The following SH3RF3 variants were observed in gnomAD, a reference collection of about 807,000 sequenced individuals.
The protein encoded by SH3RF3 is SH3 domain containing ring finger 3, also known as E3 ubiquitin-protein ligase SH3RF3.
In SH3RF3, 29 loss-of-function variants were observed where a neutral mutation model predicts 66.3. The ratio of observed to expected loss-of-function variants is 0.44; its 90% CI spans 0.33 to 0.60. The LOEUF (loss-of-function observed/expected upper bound fraction) is 0.60. Among genes scored for constraint, SH3RF3 ranks in the 20% least tolerant of loss-of-function variants. The pLI is 0.04. For synonymous variants in SH3RF3, 583 were observed against 532.0 expected, an observed-to-expected ratio of 1.10 and a Z score of -1.32; for missense variants, 1,194 against 1,190.9, an observed-to-expected ratio of 1.00 and a Z score of -0.04.
At chr2:109,432,368 C>G (rs2104569208) in intron 5 of SH3RF3, 133 bp from the exon 6 acceptor site, 2 of 1,149,748 alleles carry the variant, frequency 1.7e-6, no homozygotes, top group South Asian at 3.0e-5. Flanking sequence ...CTGTAAACTG[C>G]AGAGCCCCCA....
chr2:109,499,852 C>G (rs72949172), intron 9 of SH3RF3, among the ~76,000 whole-genome samples: 2,564 of 152,278 alleles, frequency 0.017, 85 homozygotes, highest in African/African-American at 0.057. Flanking sequence ...GGCAACATAA[C>G]TGACATTTGC....
rs1269767573 is a variant in SH3RF3 at position 109,453,475 on chromosome 2, C to T, written c.2148+3986C>T. On this transcript the variant is annotated intron_variant, in intron 8 of 9. Transcript: ENST00000309415. ...TTGAAACTGTGTGAGCACATCAGCA[C>T]CAGGTGATACGAACCCTCAGGGTAC... 3.9e-5 allele frequency among the ~76,000 whole-genome samples: 6 copies of T among 152,226 alleles called. No individual in the cohort carries two copies. In the East Asian group the frequency reaches 7.7e-4, roughly 20 times the overall value.
chr2:109,386,256 C>A (rs867612735), intron 3 of SH3RF3, among the ~76,000 whole-genome samples: 1 of 152,340 alleles, frequency 6.6e-6, no homozygotes, highest in African/African-American at 2.4e-5. Flanking sequence ...GATGGCCTAG[C>A]CCCTGTGGAT....
At chr2:109,155,125 A>G (rs1395206304) in intron 1 of SH3RF3, among the ~76,000 whole-genome samples, 1 of 152,212 alleles carries the variant, frequency 6.6e-6, no homozygotes, top group African/African-American at 2.4e-5. Context: ...GCATTTTGCA[A>G]ACTACAACTT....
intron 1 of SH3RF3, among the ~76,000 whole-genome samples, chr2:109,152,395 G>A (rs1001659254): frequency 6.6e-6 from 1 of 152,188 alleles, no homozygotes; most frequent in Non-Finnish European, 1.5e-5. Flanking sequence ...GACATGTACA[G>A]CAAATCAAAT....
intron 1 of SH3RF3, among the ~76,000 whole-genome samples, chr2:109,132,374 G>A (rs1676719785): frequency 6.6e-6 from 1 of 152,128 alleles, no homozygotes; most frequent in African/African-American, 2.4e-5. Context: ...GGTTTTACTG[G>A]CAGGACACAA....
intron 1 of SH3RF3, among the ~76,000 whole-genome samples, chr2:109,177,316 T>A (rs1677943601): frequency 6.6e-6 from 1 of 152,172 alleles, no homozygotes; most frequent in Non-Finnish European, 1.5e-5. Flanking sequence ...GATTTTCTTT[T>A]ATATCTACTA....
At chr2:109,352,226 A>G (rs2105583237) in intron 2 of SH3RF3, among the ~76,000 whole-genome samples, 1 of 152,348 alleles carries the variant, frequency 6.6e-6, no homozygotes. Flanking sequence ...TTCCTGTCTC[A>G]GGAAAAGTTG....
In SH3RF3 at chr2:109,437,022, C is replaced by A. The variant is rs1021090351; in HGVS notation, c.1704C>A (p.Pro568=). 6.2e-7 allele frequency: 1 copy of A among 1,613,884 alleles called. No individual in the cohort carries two copies. The highest frequency in any genetic ancestry group is 1.1e-5 in the South Asian group (1 of 91,086). ...SLSSLATATR[P]ALPITTPQAH... is the part of the protein sequence containing the mutation. ...GCAGCCTGGCCACTGCCACCAGGCC[C>A]GCCCTGCCCATCACCACTCCCCAGG... The change falls in exon 7 of 10, where the codon CCC becomes CCA. Residue 568 remains proline (P), a synonymous_variant. Transcript: ENST00000309415.
chr2:109,234,044 C>G (rs969093529), intron 1 of SH3RF3, among the ~76,000 whole-genome samples: 1 of 152,160 alleles, frequency 6.6e-6, no homozygotes, highest in East Asian at 1.9e-4. Flanking sequence ...TAATATGTTT[C>G]CATTTCTCTT....
chr2:109,452,391 A>G (rs1677901469), intron 8 of SH3RF3, among the ~76,000 whole-genome samples: 1 of 152,184 alleles, frequency 6.6e-6, no homozygotes, highest in South Asian at 2.1e-4. Flanking sequence ...ATTTGGCAGT[A>G]TTCTCCAGTC....
At chr2:109,245,022 G>A (rs887936917) in intron 1 of SH3RF3, among the ~76,000 whole-genome samples, 8 of 152,272 alleles carry the variant, frequency 5.3e-5, no homozygotes, top group African/African-American at 7.2e-5. Context: ...GTTGGATGGC[G>A]TCCCCTTTAA....
chr2:109,146,759 C>G (rs565469225), intron 1 of SH3RF3, among the ~76,000 whole-genome samples: 1 of 151,310 alleles, frequency 6.6e-6, no homozygotes, highest in African/African-American at 2.4e-5. Flanking sequence ...ATCCTTCCTT[C>G]GAAAACTTGC....
chr2:109,315,067 CGTTTCCATCAG>C (rs1203247591), intron 1 of SH3RF3, among the ~76,000 whole-genome samples: 3 of 152,266 alleles, frequency 2.0e-5, no homozygotes, highest in African/African-American at 7.2e-5. Flanking sequence ...ATACACGACA[CGTTTCCATCAG>C]TGCAGAAAGT....
intron 3 of SH3RF3, among the ~76,000 whole-genome samples, chr2:109,391,765 T>C (rs949121366): frequency 6.6e-6 from 1 of 152,198 alleles, no homozygotes; most frequent in Admixed American, 6.5e-5. Flanking sequence ...TTGGTAACTA[T>C]AGCTGGCATC....
chr2:109,366,572 G>C (rs1447451232), intron 2 of SH3RF3, among the ~76,000 whole-genome samples: 3 of 152,214 alleles, frequency 2.0e-5, no homozygotes, highest in African/African-American at 7.2e-5. Context: ...TTTATGGCTG[G>C]GCATGGTGGT....
At chr2:109,319,204 A>G (rs758083043) in intron 1 of SH3RF3, among the ~76,000 whole-genome samples, 4 of 152,202 alleles carry the variant, frequency 2.6e-5, no homozygotes, top group Admixed American at 2.6e-4. Flanking sequence ...TATGCCAGAT[A>G]GTGACAGTGG....
intron 1 of SH3RF3, among the ~76,000 whole-genome samples, chr2:109,261,973 G>C (rs762341247): frequency 2.0e-5 from 3 of 152,140 alleles, no homozygotes; most frequent in Non-Finnish European, 2.9e-5. Flanking sequence ...TTACATCAGA[G>C]GAAGGGCCAC....
At chr2:109,436,798 A>G (rs1677412308) in intron 6 of SH3RF3, 95 bp from the exon 7 acceptor site, 3 of 1,488,960 alleles carry the variant, frequency 2.0e-6, no homozygotes, top group Non-Finnish European at 9.0e-7. Context: ...TCATCTCTTA[A>G]AGCCAGCAGG....
Sources: gnomAD v4.1 joint callset for allele counts (sites outside exome capture counted in the v4.1 genomes callset) on GRCh38, gnomAD v4.1.1 for gene constraint, MANE v1.5 for transcripts, NCBI Gene and HGNC (gene_info 2026-07-23, HGNC 2026-07-21) for gene names.